DGKB: variants seen among roughly 807,000 people sequenced by gnomAD.
DGKB encodes 90 kDa diacylglycerol kinase.
A neutral mutation model predicts 114.3 loss-of-function variants in DGKB; 67 were observed. That is an observed-to-expected ratio of 0.59 (90% CI 0.48 to 0.72). The LOEUF is 0.72. Ranked by LOEUF, DGKB falls within the 30% of genes least tolerant of loss-of-function variation. DGKB has a pLI of 0.00. For synonymous variants in DGKB, 398 were observed against 323.1 expected, an observed-to-expected ratio of 1.23 and a Z score of -2.49; for missense variants, 907 against 975.2, an observed-to-expected ratio of 0.93 and a Z score of 0.93.
chr7:14,159,981 A>ATATTCTTG (rs1330305181), intron 25 of DGKB, among the ~76,000 whole-genome samples: 1 of 152,118 alleles, frequency 6.6e-6, no homozygotes, highest in East Asian at 1.9e-4. Flanking sequence ...CCAATCATTG[A>ATATTCTTG]TATTCTTGAC....
At chr7:14,609,338 T>C (rs949644979) in intron 16 of DGKB, among the ~76,000 whole-genome samples, 2 of 152,072 alleles carry the variant, frequency 1.3e-5, no homozygotes, top group African/African-American at 4.8e-5. Flanking sequence ...TGGCTAGCCA[T>C]ATGCAGAAAA....
At chr7:14,636,405 T>C (rs1810759705) in intron 13 of DGKB, among the ~76,000 whole-genome samples, 1 of 151,794 alleles carries the variant, frequency 6.6e-6, no homozygotes, top group South Asian at 2.1e-4. Context: ...AAAATGTTAC[T>C]GAAATAAAAG....
intron 1 of DGKB, among the ~76,000 whole-genome samples, chr7:14,924,282 G>A (rs1000982390): frequency 6.6e-6 from 1 of 152,082 alleles, no homozygotes; most frequent in Non-Finnish European, 1.5e-5. Context: ...TTCTAATATT[G>A]CTATTGATTC....
intron 20 of DGKB, among the ~76,000 whole-genome samples, chr7:14,502,995 A>G (rs1405843261): frequency 1.3e-5 from 2 of 152,092 alleles, no homozygotes; most frequent in Non-Finnish European, 1.5e-5. Flanking sequence ...ACAGCTTAAC[A>G]TTTGAGAGGA....
At chr7:14,293,628 A>G (rs1802098201) in intron 23 of DGKB, among the ~76,000 whole-genome samples, 1 of 151,992 alleles carries the variant, frequency 6.6e-6, no homozygotes, top group South Asian at 2.1e-4. Context: ...CCTTCCGGTA[A>G]TTTTTCTGTG....
intron 1 of DGKB, among the ~76,000 whole-genome samples, chr7:14,940,853 C>T (rs1283379843): frequency 2.0e-5 from 3 of 151,668 alleles, no homozygotes; most frequent in South Asian, 2.1e-4. Flanking sequence ...AGTTTAGATA[C>T]GTAGCTTTGG....
intron 21 of DGKB, among the ~76,000 whole-genome samples, chr7:14,375,286 G>C (rs538865461): frequency 6.6e-6 from 1 of 152,326 alleles, no homozygotes; most frequent in East Asian, 1.9e-4. Flanking sequence ...TTCTCTTTTA[G>C]ATATGTCATT....
At chr7:14,227,911 TA>T (rs1284345163) in intron 23 of DGKB, among the ~76,000 whole-genome samples, 2 of 152,028 alleles carry the variant, frequency 1.3e-5, no homozygotes, top group Non-Finnish European at 2.9e-5. Flanking sequence ...CAAGAAAATA[TA>T]AAATAAAATA....
chr7:14,838,183 G>T (rs541667799), intron 2 of DGKB, among the ~76,000 whole-genome samples: 1 of 151,966 alleles, frequency 6.6e-6, no homozygotes, highest in Admixed American at 6.6e-5. Context: ...ATAATTAAAT[G>T]TACCTCCATA....
intron 1 of DGKB, among the ~76,000 whole-genome samples, chr7:14,846,819 C>A (rs977060745): frequency 6.6e-6 from 1 of 152,178 alleles, no homozygotes; most frequent in African/African-American, 2.4e-5. Flanking sequence ...AAAGCACAAT[C>A]CCTATAATTA....
At chr7:14,890,009 A>C (rs1335916073) in intron 1 of DGKB, among the ~76,000 whole-genome samples, 2 of 151,630 alleles carry the variant, frequency 1.3e-5, no homozygotes, top group Admixed American at 6.6e-5. Flanking sequence ...GTATGCATTA[A>C]AAAATGCATC....
intron 23 of DGKB, among the ~76,000 whole-genome samples, chr7:14,241,157 T>G (rs567879041): frequency 6.6e-4 from 101 of 152,280 alleles, no homozygotes; most frequent in African/African-American, 2.2e-3. Flanking sequence ...CCATGGGCAT[T>G]TAATGAAAGT....
chr7:14,216,725 CAAAA>C (rs755191130), intron 23 of DGKB, among the ~76,000 whole-genome samples: 8 of 50,350 alleles, frequency 1.6e-4, no homozygotes, highest in East Asian at 6.5e-4. Context: ...GACTCCGTCT[CAAAA>C]AAAAAAAAAA....
chr7:14,939,080 T>C (rs1785420957), intron 1 of DGKB, among the ~76,000 whole-genome samples: 1 of 152,186 alleles, frequency 6.6e-6, no homozygotes, highest in Admixed American at 6.5e-5. Flanking sequence ...CTTCTTAAAC[T>C]GTTTTTTCTA....
chr7:14,704,243 G>A (rs1351360772), intron 6 of DGKB, among the ~76,000 whole-genome samples: 3 of 148,026 alleles, frequency 2.0e-5, no homozygotes, highest in Middle Eastern at 3.2e-3. Flanking sequence ...AGACCATCCT[G>A]TCTAACACGG....
chr7:14,967,219 C>G (rs1244375057), intron 1 of DGKB, among the ~76,000 whole-genome samples: 1 of 152,118 alleles, frequency 6.6e-6, no homozygotes, highest in Non-Finnish European at 1.5e-5. Context: ...TGGAGAAAAT[C>G]TAGGAGGATT....
At chr7:14,944,847 G>C (rs1342419105) in intron 1 of DGKB, among the ~76,000 whole-genome samples, 1 of 151,634 alleles carries the variant, frequency 6.6e-6, no homozygotes, top group Admixed American at 6.6e-5. Flanking sequence ...CATTTTATTT[G>C]GTTTGTATAT....
intron 4 of DGKB, among the ~76,000 whole-genome samples, chr7:14,742,922 T>G (rs1424422197): frequency 1.3e-5 from 2 of 152,202 alleles, no homozygotes; most frequent in Admixed American, 6.5e-5. Context: ...GCTAAAGGTT[T>G]AAATAGTTGT....
At chr7:14,248,295 C>T (rs1368919154) in intron 23 of DGKB, among the ~76,000 whole-genome samples, 1 of 151,942 alleles carries the variant, frequency 6.6e-6, no homozygotes, top group Non-Finnish European at 1.5e-5. Context: ...ATCAATGCCT[C>T]AATATTCTAC....
Sources: gnomAD v4.1 joint callset for allele counts (sites outside exome capture counted in the v4.1 genomes callset) on GRCh38, gnomAD v4.1.1 for gene constraint, MANE v1.5 for transcripts, NCBI Gene and HGNC (gene_info 2026-07-23, HGNC 2026-07-21) for gene names.